RSPRY1: variants seen among roughly 807,000 people sequenced by gnomAD.
RSPRY1 encodes the protein RING finger and SPRY domain-containing protein 1.
In RSPRY1, 23 loss-of-function variants were observed where a neutral mutation model predicts 73.1. The ratio of observed to expected loss-of-function variants is 0.31; its 90% CI spans 0.23 to 0.45. RSPRY1 has a LOEUF of 0.45. Among genes scored for constraint, RSPRY1 ranks in the 20% least tolerant of loss-of-function variants. RSPRY1 has a pLI of 1.00. For missense variants in RSPRY1, 448 were observed against 698.7 expected (o/e 0.64, Z 4.05); for synonymous variants, 226 against 251.4 (o/e 0.90, Z 0.95).
intron 1 of RSPRY1, among the ~76,000 whole-genome samples, chr16:57,198,032 A>T (rs2074483959): frequency 6.7e-6 from 1 of 150,078 alleles, no homozygotes; most frequent in Non-Finnish European, 1.5e-5. Context: ...ATCCTATCAG[A>T]TTTAGTCAGA....
chr16:57,217,920 A>G (rs2074966978), intron 8 of RSPRY1, among the ~76,000 whole-genome samples: 1 of 151,808 alleles, frequency 6.6e-6, no homozygotes, highest in Non-Finnish European at 1.5e-5. Flanking sequence ...AAAGAGTGCA[A>G]TTTGGATTTT....
chr16:57,209,017 T>C, intron 3 of RSPRY1, 58 bp from the exon 4 acceptor site: 3 of 1,161,092 alleles, frequency 2.6e-6, no homozygotes, highest in Non-Finnish European at 3.8e-6. Context: ...TCGTGTGACA[T>C]ATTTTCACAT....
At chr16:57,220,645 T>A in intron 8 of RSPRY1, 87 bp from the exon 9 acceptor site, 2 of 751,808 alleles carry the variant, frequency 2.7e-6, no homozygotes, top group Non-Finnish European at 4.6e-6. Flanking sequence ...TATTTCTTCC[T>A]CTTGTCTGAT....
chr16:57,203,732 A>G (rs1252602983), intron 1 of RSPRY1, among the ~76,000 whole-genome samples: 1 of 152,238 alleles, frequency 6.6e-6, no homozygotes, highest in Non-Finnish European at 1.5e-5. Context: ...CCAGCGTGGT[A>G]CCTGGCACAA....
At chr16:57,228,116 T>C (rs1223511312) in intron 11 of RSPRY1, among the ~76,000 whole-genome samples, 1 of 151,628 alleles carries the variant, frequency 6.6e-6, no homozygotes, top group African/African-American at 2.4e-5. Context: ...TCTACTAAAA[T>C]ACAAAAATTA....
At chr16:57,220,936 C>A in intron 9 of RSPRY1, 89 bp downstream of exon 9, 2 of 916,466 alleles carry the variant, frequency 2.2e-6, no homozygotes, top group Non-Finnish European at 3.5e-6. Context: ...AGGGCTGGTG[C>A]TTCCCACTCT....
chr16:57,209,553 G>A (rs746993215), intron 4 of RSPRY1, among the ~76,000 whole-genome samples: 5 of 152,138 alleles, frequency 3.3e-5, no homozygotes, highest in Admixed American at 2.0e-4. Flanking sequence ...TAGTAGAAAC[G>A]GGATTTCACC....
chr16:57,191,850 G>T (rs2074357260), intron 1 of RSPRY1, among the ~76,000 whole-genome samples: 1 of 152,154 alleles, frequency 6.6e-6, no homozygotes, highest in African/African-American at 2.4e-5. Flanking sequence ...CTTTTACACT[G>T]GAAAACTGAT....
At chr16:57,223,189 T>G (rs974098683) in intron 10 of RSPRY1, among the ~76,000 whole-genome samples, 5 of 152,238 alleles carry the variant, frequency 3.3e-5, no homozygotes, top group African/African-American at 1.2e-4. Context: ...CTGGTGATTC[T>G]GAATCTTTTT....
At chr16:57,231,097 CTG>C (rs2146370143) in intron 12 of RSPRY1, 68 bp from the exon 13 acceptor site, 3 of 1,449,742 alleles carry the variant, frequency 2.1e-6, no homozygotes, top group Admixed American at 3.9e-5. Context: ...TTTCTGAAAA[CTG>C]TTCTATCTAT....
intron 14 of RSPRY1, among the ~76,000 whole-genome samples, chr16:57,238,603 T>C (rs533032919): frequency 3.3e-4 from 50 of 152,360 alleles, no homozygotes; most frequent in Non-Finnish European, 6.2e-4. Context: ...ATTATATCCC[T>C]ACCTATAAGT....
At chr16:57,231,112 A>T in intron 12 of RSPRY1, 55 bp from the exon 13 acceptor site, 2 of 1,532,946 alleles carry the variant, frequency 1.3e-6, no homozygotes, top group Non-Finnish European at 8.9e-7. Flanking sequence ...CTATCTATTA[A>T]CTCTATTTTG....
intron 1 of RSPRY1, among the ~76,000 whole-genome samples, chr16:57,189,782 G>A (rs1212503563): frequency 1.3e-5 from 2 of 151,094 alleles, no homozygotes; most frequent in African/African-American, 4.9e-5. Flanking sequence ...TTTAAGACAG[G>A]GTTACGCCAT....
At chr16:57,209,023 C>A in intron 3 of RSPRY1, 52 bp from the exon 4 acceptor site, 1 of 1,233,308 alleles carries the variant, frequency 8.1e-7, no homozygotes, top group South Asian at 1.3e-5. Flanking sequence ...GACATATTTT[C>A]ACATTTTAAA....
Position 57,231,268 on chromosome 16 carries a change from C to G in RSPRY1, c.1478C>G (p.Thr493Ser), listed in dbSNP as rs748175636. 6.2e-7 allele frequency: 1 copy of G among 1,613,842 alleles called. No individual in the cohort carries two copies. The highest frequency in any genetic ancestry group is 2.2e-5 in the East Asian group (1 of 44,860). ...FKYPPSMKFS[T>S]FNDYAFLTAE... The stretch of plus-strand genomic sequence containing the variant: ...TACCCACCATCTATGAAATTTAGCA[C>G]TTTTAATGACTACGCCTTCCTAACA... Residue 493 changes from threonine to serine, a missense_variant, in exon 13 of 15, where the codon ACT becomes AGT. Physicochemically the swap from Thr to Ser is moderately conservative, Grantham distance 58. Coordinates refer to ENST00000394420, the MANE Select transcript of RSPRY1 (RefSeq NM_133368.3).
intron 10 of RSPRY1, among the ~76,000 whole-genome samples, chr16:57,222,872 ATG>A (rs2075061334): frequency 6.6e-6 from 1 of 152,158 alleles, no homozygotes; most frequent in Admixed American, 6.5e-5. Context: ...CTGGCACTGA[ATG>A]TTACAAATGT....
chr16:57,200,655 C>T (rs1158968725), intron 1 of RSPRY1, among the ~76,000 whole-genome samples: 15 of 124,028 alleles, frequency 1.2e-4, no homozygotes, highest in East Asian at 8.0e-4. Context: ...GCTGGCCGGG[C>T]GGGGGGCTGA....
chr16:57,226,538 CTA>C (rs1273559613), intron 10 of RSPRY1, among the ~76,000 whole-genome samples: 1 of 152,112 alleles, frequency 6.6e-6, no homozygotes, highest in Non-Finnish European at 1.5e-5. Flanking sequence ...CCTTTTTAGA[CTA>C]TATAGGGTAA....
intron 1 of RSPRY1, among the ~76,000 whole-genome samples, chr16:57,189,783 G>C (rs2074322051): frequency 1.3e-5 from 2 of 151,260 alleles, no homozygotes; most frequent in African/African-American, 2.4e-5. Context: ...TTAAGACAGG[G>C]TTACGCCATG....
Sources: gnomAD v4.1 joint callset for allele counts (sites outside exome capture counted in the v4.1 genomes callset) on GRCh38, gnomAD v4.1.1 for gene constraint, MANE v1.5 for transcripts, NCBI Gene and HGNC (gene_info 2026-07-23, HGNC 2026-07-21) for gene names.